Variants in CSMD3 observed in about 807,000 individuals in gnomAD.
The protein encoded by CSMD3 is CUB and sushi domain-containing protein 3.
CSMD3 carries 177 observed loss-of-function variants against 435.2 expected under a neutral mutation model. The ratio of observed to expected loss-of-function variants is 0.41; its 90% CI spans 0.36 to 0.46. The LOEUF is 0.46. CSMD3 is among the 20% of genes least tolerant of loss of function. CSMD3 has a pLI of 0.34. For missense variants in CSMD3, 4,265 were observed against 4,504.6 expected, an observed-to-expected ratio of 0.95 and a Z score of 1.52; for synonymous variants, 1,656 against 1,520.5, an observed-to-expected ratio of 1.09 and a Z score of -2.07.
At chr8:113,325,391 G>A (rs541184589) in intron 1 of CSMD3, among the ~76,000 whole-genome samples, 23 of 152,238 alleles carry the variant, frequency 1.5e-4, no homozygotes, top group East Asian at 9.7e-4. Flanking sequence ...AGAACTAATG[G>A]TATTATATGA....
At chr8:112,463,114 T>C (rs1817619230) in intron 32 of CSMD3, among the ~76,000 whole-genome samples, 1 of 152,132 alleles carries the variant, frequency 6.6e-6, no homozygotes, top group Non-Finnish European at 1.5e-5. Context: ...TCCCAGCATT[T>C]TGGGAGGCCA....
intron 3 of CSMD3, among the ~76,000 whole-genome samples, chr8:113,250,081 T>C (rs552196978): frequency 6.6e-6 from 1 of 152,128 alleles, no homozygotes; most frequent in African/African-American, 2.4e-5. Flanking sequence ...TTACCAGGGG[T>C]AAAGAAGAAA....
intron 5 of CSMD3, among the ~76,000 whole-genome samples, chr8:113,029,935 G>A (rs11989169): frequency 0.025 from 3,801 of 151,422 alleles, 220 homozygotes; most frequent in East Asian, 0.12. Context: ...CAAAGTTTCC[G>A]CATAGATTAA....
At chr8:112,378,268 AG>A (rs1829140333) in intron 38 of CSMD3, among the ~76,000 whole-genome samples, 1 of 151,860 alleles carries the variant, frequency 6.6e-6, no homozygotes, top group African/African-American at 2.4e-5. Flanking sequence ...ATTAAAAAAA[AG>A]AAAAAAAAAA....
chr8:112,969,292 T>G, intron 7 of CSMD3, among the ~76,000 whole-genome samples: 1 of 152,060 alleles, frequency 6.6e-6, no homozygotes, highest in East Asian at 1.9e-4. Context: ...TTCCTGCTTC[T>G]TTGGATTAAA....
At chr8:112,690,971 A>C (rs2131830239) in intron 13 of CSMD3, among the ~76,000 whole-genome samples, 1 of 152,234 alleles carries the variant, frequency 6.6e-6, no homozygotes, top group Non-Finnish European at 1.5e-5. Flanking sequence ...TTCCTCCGTT[A>C]TCCACTAGCA....
chr8:112,264,766 TA>T, intron 60 of CSMD3, among the ~76,000 whole-genome samples: 1 of 152,126 alleles, frequency 6.6e-6, no homozygotes. Flanking sequence ...CGAAAAATCT[TA>T]AATATTAAAA....
At chr8:112,767,653 CTAT>C (rs1004594395) in intron 13 of CSMD3, among the ~76,000 whole-genome samples, 5 of 151,770 alleles carry the variant, frequency 3.3e-5, no homozygotes, top group African/African-American at 7.2e-5. Context: ...GTAAGTATAG[CTAT>C]TATTATTATT....
intron 20 of CSMD3, among the ~76,000 whole-genome samples, chr8:112,640,827 C>T (rs1218198740): frequency 2.6e-5 from 4 of 151,466 alleles, no homozygotes; most frequent in Admixed American, 6.6e-5. Context: ...CTTATTTCTG[C>T]TATAAAGCTA....
intron 3 of CSMD3, among the ~76,000 whole-genome samples, chr8:113,184,370 C>T (rs2092467276): frequency 6.6e-6 from 1 of 151,922 alleles, no homozygotes; most frequent in African/African-American, 2.4e-5. Context: ...GACCCTCTCC[C>T]CTCCTTGAAG....
At chr8:113,376,928 C>T (rs2094387892) in intron 1 of CSMD3, 1 of 1,459,404 alleles carries the variant, frequency 6.9e-7, no homozygotes, top group Non-Finnish European at 9.2e-7. Flanking sequence ...GGGGCCATAA[C>T]GGATGACGTG....
At chr8:112,303,767 T>C (rs888301791) in intron 52 of CSMD3, among the ~76,000 whole-genome samples, 3 of 152,176 alleles carry the variant, frequency 2.0e-5, no homozygotes, top group Non-Finnish European at 4.4e-5. Flanking sequence ...AATAAAATAA[T>C]ATCAGATACT....
chr8:112,297,756 A>G (rs926187676), intron 53 of CSMD3, among the ~76,000 whole-genome samples: 3 of 152,116 alleles, frequency 2.0e-5, no homozygotes, highest in African/African-American at 7.2e-5. Flanking sequence ...AAGGTTGTAG[A>G]ATATTAGGTA....
intron 22 of CSMD3, among the ~76,000 whole-genome samples, chr8:112,594,860 T>A (rs1586760125): frequency 2.0e-5 from 3 of 151,444 alleles, no homozygotes; most frequent in Non-Finnish European, 4.4e-5. Context: ...CAAAAACCCA[T>A]CTGTACATCA....
chr8:112,370,089 AGT>A (rs1407701786), intron 38 of CSMD3, among the ~76,000 whole-genome samples: 8 of 123,786 alleles, frequency 6.5e-5, no homozygotes, highest in Non-Finnish European at 1.5e-4. Flanking sequence ...AAGAAGTAGT[AGT>A]AGTAGTAGTA....
intron 3 of CSMD3, among the ~76,000 whole-genome samples, chr8:113,198,530 T>C (rs1417725768): frequency 6.6e-6 from 1 of 151,326 alleles, no homozygotes; most frequent in Non-Finnish European, 1.5e-5. Flanking sequence ...CATTTTAAAA[T>C]ATCCTTTCTT....
chr8:112,792,190 G>A (rs79640924), intron 13 of CSMD3, among the ~76,000 whole-genome samples: 4,199 of 152,192 alleles, frequency 0.028, 86 homozygotes, highest in East Asian at 0.074. Context: ...TTTTGATGAA[G>A]TCCAATTTAT....
In CSMD3 at chr8:112,967,678, C is replaced by T. The variant is rs529641807; in HGVS notation, c.1342+8159G>A. On this transcript the variant is annotated intron_variant, in intron 7 of 70. Coordinates refer to ENST00000297405, the MANE Select transcript of CSMD3 (RefSeq NM_198123.2). Reference sequence around the variant, plus strand: ...GCCTATTTTGATTTTCTGCACAGCCCTTATTACCATCAGACAATTATTTAC... The same window carrying T: ...GCCTATTTTGATTTTCTGCACAGCCTTTATTACCATCAGACAATTATTTAC... Among the ~76,000 whole-genome samples the T allele has an allele frequency of 2.6e-5, 4 of 151,918 alleles. No individual in the cohort carries two copies. The East Asian group carries it at 5.8e-4, about 22-fold the overall frequency.
At position 113,098,977 on chromosome 8, in the gene CSMD3, C is replaced by A. The variant is rs1315069267; in HGVS notation, c.710-14G>T. On this transcript the variant is annotated splice_polypyrimidine_tract_variant and intron_variant, in intron 4 of 70. Coordinates refer to ENST00000297405, the MANE Select transcript of CSMD3 (RefSeq NM_198123.2). ...AAGCATCTTCAGCTGTTAAAAATGA[C>A]AAAATATTCAGTTGTAAGTTATTGA... 1.3e-6 allele frequency: 2 copies of A among 1,527,258 alleles called. No homozygotes were observed. Among genetic ancestry groups the A allele is most frequent in the East Asian group, 4.5e-5 (2 of 44,396 alleles). 94.6% of individuals were successfully genotyped at this position (1,527,258 alleles called of 1,614,324 possible). A position where few individuals can be genotyped will look rare whatever the true frequency, so the allele number is the denominator to read the frequency against.
Sources: gnomAD v4.1 joint callset for allele counts (sites outside exome capture counted in the v4.1 genomes callset) on GRCh38, gnomAD v4.1.1 for gene constraint, MANE v1.5 for transcripts, NCBI Gene and HGNC (gene_info 2026-07-23, HGNC 2026-07-21) for gene names.